Variants in GABRB3 observed in about 807,000 individuals in gnomAD.
The protein encoded by GABRB3 is gamma-aminobutyric acid receptor subunit beta-3.
GABRB3 carries 14 observed loss-of-function variants against 52.1 expected under a neutral mutation model. The ratio of observed to expected loss-of-function variants is 0.27; its 90% confidence interval spans 0.18 to 0.42. The LOEUF (loss-of-function observed/expected upper bound fraction) is 0.42. Among genes scored for constraint, GABRB3 ranks in the 10% least tolerant of loss-of-function variants. GABRB3 has a pLI of 1.00. For missense variants in GABRB3, 307 were observed against 609.1 expected (o/e 0.50, Z 5.22); for synonymous variants, 260 against 232.3 (o/e 1.12, Z -1.08).
chr15:26,689,204 A>T lies in GABRB3; in HGVS notation c.241-67670T>A, dbSNP rs181524621. On this transcript the variant is annotated intron_variant, in intron 3 of 8. Coordinates refer to ENST00000311550, the MANE Select transcript of GABRB3 (RefSeq NM_000814.6). ...CTGCACCTGGCTTCCTGCGACCTCC[A>T]TCGCAGACTTGCCCTGGTGACTCAG... Among the ~76,000 whole-genome samples the T allele has an allele frequency of 8.4e-4, 128 of 152,296 alleles. No homozygotes were observed. The Middle Eastern group carries it at 0.01, about 12-fold the overall frequency.
At chr15:26,650,011 G>A (rs1044863021) in intron 3 of GABRB3, among the ~76,000 whole-genome samples, 8 of 152,140 alleles carry the variant, frequency 5.3e-5, no homozygotes, top group African/African-American at 1.9e-4. Flanking sequence ...AACAGAGACT[G>A]AAACTGTGCA....
intron 3 of GABRB3, among the ~76,000 whole-genome samples, chr15:26,745,357 G>T (rs1046989745): frequency 2.0e-5 from 3 of 152,064 alleles, no homozygotes; most frequent in African/African-American, 7.2e-5. Context: ...GTACTGGGAG[G>T]TTCCATACCC....
intron 3 of GABRB3, among the ~76,000 whole-genome samples, chr15:26,653,481 G>A (rs1186384154): frequency 1.3e-5 from 2 of 152,066 alleles, no homozygotes; most frequent in Non-Finnish European, 2.9e-5. Flanking sequence ...TCTCCAAGCT[G>A]ACCAATCAGC....
intron 8 of GABRB3, among the ~76,000 whole-genome samples, chr15:26,555,853 GT>G (rs1188964515): frequency 6.6e-6 from 1 of 151,962 alleles, no homozygotes; most frequent in African/African-American, 2.4e-5. Context: ...TGTTTGTATG[GT>G]TTTCATTTAA....
intron 3 of GABRB3, among the ~76,000 whole-genome samples, chr15:26,677,678 G>A (rs1272516814): frequency 5.3e-5 from 8 of 152,194 alleles, no homozygotes; most frequent in Admixed American, 5.2e-4. Context: ...ATACTACATT[G>A]TGATATGGAG....
intron 3 of GABRB3, among the ~76,000 whole-genome samples, chr15:26,632,190 A>C (rs1483410305): frequency 6.6e-6 from 1 of 152,220 alleles, no homozygotes; most frequent in African/African-American, 2.4e-5. Context: ...TGCTGAGTTA[A>C]GTGTACAGCA....
chr15:26,656,976 A>C (rs1419667081), intron 3 of GABRB3: 1 of 152,274 alleles, frequency 6.6e-6, no homozygotes. Context: ...TCTCAGAGTG[A>C]AAAGTAGCAC....
intron 3 of GABRB3, among the ~76,000 whole-genome samples, chr15:26,737,435 T>A (rs1890093393): frequency 6.6e-6 from 1 of 152,170 alleles, no homozygotes; most frequent in South Asian, 2.1e-4. Context: ...AAGAGACTCT[T>A]CCTGTCAGTC....
intron 3 of GABRB3, among the ~76,000 whole-genome samples, chr15:26,691,290 C>A (rs1888579123): frequency 6.6e-6 from 1 of 152,010 alleles, no homozygotes; most frequent in African/African-American, 2.4e-5. Context: ...GAAATGATTT[C>A]TTTATAAATT....
chr15:26,695,322 CT>C lies in GABRB3; in HGVS notation c.241-73789del, dbSNP rs535348334. Among the ~76,000 whole-genome samples the C allele has an allele frequency of 1.2e-4, 19 of 152,278 alleles. No individual in the cohort carries two copies. In the South Asian group the frequency reaches 3.9e-3, roughly 32 times the overall value. On this transcript the variant is annotated intron_variant, in intron 3 of 8. Transcript: ENST00000311550. ...GAACAAGGATAAGATTTATACCGGA[CT>C]TGCTTCCAGAAACCATGAGAACATA...
intron 3 of GABRB3, among the ~76,000 whole-genome samples, chr15:26,698,473 T>G (rs555542203): frequency 4.0e-4 from 61 of 152,228 alleles, no homozygotes; most frequent in African/African-American, 1.3e-3. Flanking sequence ...AGGGTACTGC[T>G]CTGCAAACAT....
chr15:26,641,234 G>A (rs945450593), intron 3 of GABRB3, among the ~76,000 whole-genome samples: 3 of 152,194 alleles, frequency 2.0e-5, no homozygotes, highest in East Asian at 3.9e-4. Flanking sequence ...TTATCAGATC[G>A]CCTTCTGACG....
chr15:26,682,659 C>A (rs527639752), intron 3 of GABRB3, among the ~76,000 whole-genome samples: 1 of 152,326 alleles, frequency 6.6e-6, no homozygotes, highest in East Asian at 1.9e-4. Flanking sequence ...ATCCCTTGCA[C>A]CTTAATGTCC....
At chr15:26,633,832 C>G (rs993871185) in intron 3 of GABRB3, among the ~76,000 whole-genome samples, 2 of 152,180 alleles carry the variant, frequency 1.3e-5, no homozygotes, top group Non-Finnish European at 2.9e-5. Flanking sequence ...CCCCCTTCCC[C>G]TTTCTAAACC....
intron 3 of GABRB3, among the ~76,000 whole-genome samples, chr15:26,707,487 A>C (rs1464814779): frequency 6.6e-6 from 1 of 152,226 alleles, no homozygotes. Context: ...TTAGAAGTGC[A>C]GGCTTAGGGC....
chr15:26,576,248 C>T (rs540074502), intron 6 of GABRB3, among the ~76,000 whole-genome samples: 12 of 152,318 alleles, frequency 7.9e-5, no homozygotes, highest in Admixed American at 3.9e-4. Flanking sequence ...TTACAGCCAA[C>T]GGCTCAAATA....
chr15:26,654,147 T>C (rs980529373), intron 3 of GABRB3, among the ~76,000 whole-genome samples: 1 of 152,070 alleles, frequency 6.6e-6, no homozygotes, highest in Non-Finnish European at 1.5e-5. Flanking sequence ...AGGTGTTTTT[T>C]TGTTTGTTTG....
chr15:26,617,426 T>TC (rs968568444), intron 4 of GABRB3, among the ~76,000 whole-genome samples: 4 of 152,170 alleles, frequency 2.6e-5, no homozygotes, highest in Admixed American at 2.6e-4. Flanking sequence ...CATGATTATC[T>TC]CAATAGATGC....
chr15:26,680,104 C>T lies in GABRB3; in HGVS notation c.241-58570G>A, dbSNP rs537279305. 2.9e-4 allele frequency among the ~76,000 whole-genome samples: 44 copies of T among 152,306 alleles called. 1 individual carries two copies. Among genetic ancestry groups the T allele is most frequent in the African/African-American group, 8.7e-4 (36 of 41,564 alleles). ...TTTGAGTAAGGCAGATTCCCCTCCA[C>T]GATGAAGGTGGGCCTCATCCAATCA... On this transcript the variant is annotated intron_variant, in intron 3 of 8. Coordinates refer to ENST00000311550, the MANE Select transcript of GABRB3 (RefSeq NM_000814.6).
Sources: allele counts gnomAD v4.1 joint callset (sites outside exome capture counted in the v4.1 genomes callset), GRCh38; gene constraint gnomAD v4.1.1; transcripts MANE v1.5; gene names NCBI Gene and HGNC (gene_info 2026-07-23, HGNC 2026-07-21).